DAB1: variants seen among roughly 807,000 people sequenced by gnomAD.
The protein encoded by DAB1 is disabled homolog 1.
In DAB1, 15 loss-of-function variants were observed where a neutral mutation model predicts 64.6. The ratio of observed to expected loss-of-function variants is 0.23; its 90% CI spans 0.16 to 0.36. DAB1 has a LOEUF of 0.36. Among genes scored for constraint, DAB1 ranks in the 10% least tolerant of loss-of-function variants. DAB1 has a pLI of 1.00. For missense variants in DAB1, 596 were observed against 706.7 expected (o/e 0.84, Z 1.78); for synonymous variants, 235 against 251.9 (o/e 0.93, Z 0.64).
intron 4 of DAB1, among the ~76,000 whole-genome samples, chr1:58,170,643 G>A (rs1218691451): frequency 6.6e-6 from 1 of 152,122 alleles, no homozygotes; most frequent in African/African-American, 2.4e-5. Context: ...AATGGAGCAG[G>A]CCAATCACAA....
intron 3 of DAB1, among the ~76,000 whole-genome samples, chr1:58,375,597 A>G (rs1382411942): frequency 6.7e-6 from 1 of 149,442 alleles, no homozygotes; most frequent in African/African-American, 2.5e-5. Flanking sequence ...ATTTTATTGA[A>G]GATTTTTGCA....
At position 58,197,405 on chromosome 1, in the gene DAB1, C is replaced by CTTT. The variant is rs67608803; in HGVS notation, n.310-46820_310-46818dup. On this transcript the variant is annotated intron_variant and non_coding_transcript_variant, in intron 4 of 20. Coordinates refer to the DAB1 transcript ENST00000485760. Reference sequence around the variant, plus strand: ...ACAAACATTCAGTAGGAGAGTTACACTTTTTTTTTTTTTAAGACAGAGTCT... The same window carrying CTTT: ...ACAAACATTCAGTAGGAGAGTTACACTTTTTTTTTTTTTTTTAAGACAGAGTCT... Among the ~76,000 whole-genome samples, 625 of 148,082 alleles carry CTTT rather than the reference C, an allele frequency of 4.2e-3. 18 individuals are homozygous for CTTT. The East Asian group carries it at 0.077, about 18-fold the overall frequency.
chr1:57,602,175 A>C (rs1422230434), intron 7 of DAB1, among the ~76,000 whole-genome samples: 2 of 152,138 alleles, frequency 1.3e-5, no homozygotes, highest in Non-Finnish European at 2.9e-5. Context: ...TTCTTCCATA[A>C]ATCTCCTAAT....
intron 6 of DAB1, among the ~76,000 whole-genome samples, chr1:57,743,615 C>T (rs1434979824): frequency 6.6e-6 from 1 of 152,150 alleles, no homozygotes; most frequent in Admixed American, 6.5e-5. Context: ...TTCCAGGTAT[C>T]ACCCATGGAG....
intron 9 of DAB1, among the ~76,000 whole-genome samples, chr1:57,044,574 C>T (rs1648221160): frequency 6.6e-6 from 1 of 152,170 alleles, no homozygotes; most frequent in Admixed American, 6.5e-5. Context: ...CTCTGAGGAC[C>T]TTGTAGCTAG....
rs74637166 is a variant in DAB1 at position 57,373,758 on chromosome 1, C to T, written c.-137+50172G>A. On this transcript the variant is annotated intron_variant, in intron 1 of 14. Coordinates refer to ENST00000371236, the MANE Select transcript of DAB1 (RefSeq NM_001365792.1). ...AATAAATCAGGGAGGGTGGCTCTCG[C>T]GCCACGGGTATAGGCATGAACATAT... 3.0e-3 allele frequency among the ~76,000 whole-genome samples: 456 copies of T among 152,290 alleles called. 7 individuals are homozygous for T. The East Asian group carries it at 0.048, about 16-fold the overall frequency.
At chr1:58,072,158 T>A (rs1004491801) in intron 5 of DAB1, among the ~76,000 whole-genome samples, 1 of 152,218 alleles carries the variant, frequency 6.6e-6, no homozygotes, top group African/African-American at 2.4e-5. Context: ...TTTTATGATA[T>A]CTCAATGAAT....
At chr1:58,079,515 C>CTTTTTTTT (rs66960756) in intron 5 of DAB1, among the ~76,000 whole-genome samples, 5 of 67,808 alleles carry the variant, frequency 7.4e-5, no homozygotes, top group Non-Finnish European at 1.3e-4. Context: ...AGCATACCAT[C>CTTTTTTTT]TTTTTTTTTT....
intron 4 of DAB1, among the ~76,000 whole-genome samples, chr1:58,281,410 C>T (rs1187464806): frequency 1.3e-5 from 2 of 152,028 alleles, no homozygotes; most frequent in African/African-American, 4.8e-5. Flanking sequence ...ATTCTACCTC[C>T]TTAATACCTC....
chr1:57,564,904 C>A (rs2691451), intron 7 of DAB1, among the ~76,000 whole-genome samples: 146,377 of 152,198 alleles, frequency 0.96, 70,622 homozygotes, highest in East Asian at 1. Context: ...CCAACATTCA[C>A]ATTCAGGAAA....
intron 6 of DAB1, among the ~76,000 whole-genome samples, chr1:57,703,471 A>C (rs1339653348): frequency 6.6e-6 from 1 of 152,208 alleles, no homozygotes; most frequent in Non-Finnish European, 1.5e-5. Flanking sequence ...AATACAAATC[A>C]AAACCACAGT....
At chr1:58,025,651 G>GTATA (rs763787466) in intron 5 of DAB1, among the ~76,000 whole-genome samples, 1,427 of 75,180 alleles carry the variant, frequency 0.019, 20 homozygotes, top group African/African-American at 0.024. Flanking sequence ...ATATATGTGT[G>GTATA]TATATATATA....
chr1:57,301,094 CAAAA>C (rs367921486), intron 1 of DAB1, among the ~76,000 whole-genome samples: 4 of 141,664 alleles, frequency 2.8e-5, no homozygotes, highest in African/African-American at 1.0e-4. Flanking sequence ...AATGAATCTT[CAAAA>C]AAAAAAAGGT....
chr1:57,396,195 A>G (rs1423141460), intron 1 of DAB1, among the ~76,000 whole-genome samples: 2 of 152,216 alleles, frequency 1.3e-5, no homozygotes, highest in Non-Finnish European at 2.9e-5. Context: ...GGTCGCTAGC[A>G]CCGAACACAT....
At chr1:57,523,700 T>C (rs1339608247) in intron 7 of DAB1, among the ~76,000 whole-genome samples, 3 of 152,054 alleles carry the variant, frequency 2.0e-5, no homozygotes, top group Non-Finnish European at 4.4e-5. Context: ...GGCAGGTGGA[T>C]TACTTGAGGC....
At chr1:58,245,662 C>T (rs981402207) in intron 4 of DAB1, among the ~76,000 whole-genome samples, 14 of 151,974 alleles carry the variant, frequency 9.2e-5, no homozygotes, top group African/African-American at 3.4e-4. Context: ...GACCAATTTA[C>T]GTAACCTCTT....
At chr1:58,462,161 C>T (rs1228337929) in intron 3 of DAB1, among the ~76,000 whole-genome samples, 1 of 149,044 alleles carries the variant, frequency 6.7e-6, no homozygotes, top group Non-Finnish European at 1.5e-5. Context: ...GCTCTGTCGC[C>T]CAGGCCGGAC....
intron 2 of DAB1, among the ~76,000 whole-genome samples, chr1:57,275,478 C>G (rs1176251515): frequency 6.6e-6 from 1 of 152,142 alleles, no homozygotes; most frequent in African/African-American, 2.4e-5. Flanking sequence ...GTATTTTTAG[C>G]TGTTTAAAAT....
At chr1:58,221,956 G>A (rs1033263161) in intron 4 of DAB1, among the ~76,000 whole-genome samples, 1 of 152,148 alleles carries the variant, frequency 6.6e-6, no homozygotes, top group Non-Finnish European at 1.5e-5. Flanking sequence ...TGCCCAACTG[G>A]CAGAATGCTG....
Sources: allele counts gnomAD v4.1 joint callset (sites outside exome capture counted in the v4.1 genomes callset), GRCh38; gene constraint gnomAD v4.1.1; transcripts MANE v1.5; gene names NCBI Gene and HGNC (gene_info 2026-07-23, HGNC 2026-07-21).